Variants in ZNF831 observed in about 807,000 individuals in gnomAD.
The protein encoded by ZNF831 is chromosome 20 open reading frame 174.
Under a neutral mutation model 95.8 loss-of-function variants are expected in ZNF831, and 59 were observed. The ratio of observed to expected loss-of-function variants is 0.62; its 90% CI spans 0.50 to 0.77. The LOEUF (loss-of-function observed/expected upper bound fraction) is 0.77. Among genes scored for constraint, ZNF831 ranks in the 30% least tolerant of loss-of-function variants. The pLI, the probability that ZNF831 is intolerant of heterozygous loss-of-function variation, is 0.00. For missense variants in ZNF831, 2,205 were observed against 2,164.0 expected (o/e 1.02, Z -0.38); for synonymous variants, 961 against 925.5 (o/e 1.04, Z -0.70).
chr20:59,237,875 C>A (rs1987089797), intron 4 of ZNF831, among the ~76,000 whole-genome samples: 1 of 152,214 alleles, frequency 6.6e-6, no homozygotes, highest in African/African-American at 2.4e-5. Flanking sequence ...TTCGTCTAAG[C>A]TCGGCCAGCC....
At chr20:59,125,482 A>G (rs907236906) in intron 1 of ZNF831, among the ~76,000 whole-genome samples, 13 of 152,034 alleles carry the variant, frequency 8.6e-5, no homozygotes, top group African/African-American at 2.4e-4. Context: ...TTCCTTAGTG[A>G]GATCCCCAGG....
chr20:59,201,387 C>T (rs577506196), intron 3 of ZNF831, among the ~76,000 whole-genome samples: 22 of 152,152 alleles, frequency 1.4e-4, no homozygotes, highest in South Asian at 2.1e-4. Context: ...AGTTCCTTAT[C>T]GGAGATGTGA....
chr20:59,198,843 A>C (rs1408008829), intron 3 of ZNF831, among the ~76,000 whole-genome samples: 1 of 152,152 alleles, frequency 6.6e-6, no homozygotes, highest in African/African-American at 2.4e-5. Flanking sequence ...TGCACCTGCT[A>C]GTCCCTCTAC....
chr20:59,227,006 G>A (rs1210058335), intron 4 of ZNF831, among the ~76,000 whole-genome samples: 1 of 152,072 alleles, frequency 6.6e-6, no homozygotes, highest in Non-Finnish European at 1.5e-5. Context: ...AAATAAACAT[G>A]TTCTCTTTTA....
At chr20:59,251,949 A>G (rs992693611) in intron 4 of ZNF831, among the ~76,000 whole-genome samples, 1 of 152,202 alleles carries the variant, frequency 6.6e-6, no homozygotes, top group African/African-American at 2.4e-5. Context: ...AAAACAGGCC[A>G]TAGGGGTTAG....
chr20:59,172,508 G>T (rs1160544726), intron 1 of ZNF831, among the ~76,000 whole-genome samples: 1 of 152,140 alleles, frequency 6.6e-6, no homozygotes, highest in African/African-American at 2.4e-5. Context: ...CCTGAAGAGG[G>T]GCCTTCTGGG....
At chr20:59,242,763 C>T (rs981719999) in intron 4 of ZNF831, among the ~76,000 whole-genome samples, 3 of 152,158 alleles carry the variant, frequency 2.0e-5, no homozygotes, top group East Asian at 1.9e-4. Flanking sequence ...TCTGCTCTTT[C>T]GATGAGTCCT....
chr20:59,192,587 G>A lies in ZNF831; in HGVS notation c.1568G>A (p.Arg523Gln), dbSNP rs766888390. The change falls in exon 2 of 6, where the codon CGG becomes CAG. Residue 523 changes from arginine to glutamine, a missense_variant. Transcript: ENST00000371030. This position sits in a 1 kb window ranked among gnomAD's most constrained non-coding sequence, Gnocchi z 5.2. Reference protein sequence around the residue: ...SRTWLEPREPRDPWSRTQKPL... With the variant: ...SRTWLEPREPQDPWSRTQKPL... ...ACGTGGCTGGAGCCCAGGGAGCCCC[G>A]GGACCCCTGGTCCAGGACGCAGAAG... 3.5e-5 allele frequency: 53 copies of A among 1,511,868 alleles called. 1 individual carries two copies. The highest frequency in any genetic ancestry group is 2.8e-4 in the South Asian group (21 of 74,618). The allele number at this position is 1,511,868 out of a possible 1,614,324, so 93.7% of individuals were successfully genotyped here.
intron 1 of ZNF831, among the ~76,000 whole-genome samples, chr20:59,173,970 C>A (rs1329906312): frequency 6.6e-6 from 1 of 152,154 alleles, no homozygotes; most frequent in Non-Finnish European, 1.5e-5. Flanking sequence ...GTGATTTTAG[C>A]CACCAGAAAG....
chr20:59,179,679 C>G (rs1027531325), intron 1 of ZNF831, among the ~76,000 whole-genome samples: 2 of 152,124 alleles, frequency 1.3e-5, no homozygotes, highest in African/African-American at 4.8e-5. Flanking sequence ...TGGCCTACCC[C>G]CTGGGTCCCT....
chr20:59,184,875 G>A (rs1982887747), intron 1 of ZNF831, among the ~76,000 whole-genome samples: 1 of 152,092 alleles, frequency 6.6e-6, no homozygotes, highest in Non-Finnish European at 1.5e-5. Context: ...CCACCTCTTT[G>A]TTCCCCTCTC....
At chr20:59,141,630 G>A (rs944894982) in intron 1 of ZNF831, among the ~76,000 whole-genome samples, 10 of 152,176 alleles carry the variant, frequency 6.6e-5, no homozygotes, top group Admixed American at 6.5e-4. Context: ...CATAGAGTGA[G>A]TCTTAAAATC....
rs951289406 is a variant in ZNF831, at chr20:59,150,669, G to A, written c.-1281+4295G>A. Among the ~76,000 whole-genome samples, 16 of 152,274 alleles carry A rather than the reference G, an allele frequency of 1.1e-4. 1 individual carries two copies. The highest frequency in any genetic ancestry group is 8.3e-4 in the South Asian group (4 of 4,828). On this transcript the variant is annotated intron_variant, in intron 2 of 7. Coordinates refer to the ZNF831 transcript ENST00000637017. ...CCTGACCTTCTGAGAATAACAAACA[G>A]CCCACTATGCTGTGGCCAGTACTCC... is the stretch of plus-strand genomic sequence containing the variant.
At chr20:59,136,283 T>C (rs1979506468) in intron 1 of ZNF831, among the ~76,000 whole-genome samples, 1 of 152,210 alleles carries the variant, frequency 6.6e-6, no homozygotes, top group Admixed American at 6.5e-5. Flanking sequence ...CTTCTGCTTT[T>C]AAGGGTTCAT....
intron 2 of ZNF831, among the ~76,000 whole-genome samples, chr20:59,151,817 G>A (rs1601302075): frequency 1.3e-5 from 2 of 152,222 alleles, no homozygotes. Context: ...CTCCACGAGG[G>A]AACGCTGAAC....
rs757757308 is a variant in ZNF831 at position 59,254,005 on chromosome 20, C to G, written c.4296C>G (p.Asp1432Glu). The G allele has an allele frequency of 6.2e-7, 1 of 1,614,018 alleles. No homozygotes were observed. Among genetic ancestry groups the G allele is most frequent in the Non-Finnish European group, 8.5e-7 (1 of 1,180,024 alleles). The change falls in exon 6 of 6, where the codon GAC becomes GAG. Residue 1432 changes from aspartate (D) to glutamate (E), a missense_variant. Transcript: ENST00000371030. This position sits in a 1 kb window ranked among gnomAD's most constrained non-coding sequence, Gnocchi z 4.5. The part of the protein sequence containing the change: ...QSDTCLAVVN[D>E]VPLPPGKGLD... ...ACACCTGCCTGGCAGTGGTTAATGACGTGCCTCTACCCCCTGGCAAAGGTC... is the reference window on the plus strand; with the variant it reads ...ACACCTGCCTGGCAGTGGTTAATGAGGTGCCTCTACCCCCTGGCAAAGGTC...
chr20:59,240,689 C>G (rs936738347), intron 4 of ZNF831, among the ~76,000 whole-genome samples: 3 of 152,068 alleles, frequency 2.0e-5, no homozygotes, highest in African/African-American at 7.2e-5. Flanking sequence ...GTAGTCCCAG[C>G]TACTCCGGAG....
intron 4 of ZNF831, among the ~76,000 whole-genome samples, chr20:59,249,075 C>T (rs923860306): frequency 6.6e-6 from 1 of 152,226 alleles, no homozygotes; most frequent in Non-Finnish European, 1.5e-5. Context: ...GTCTCTTGCT[C>T]CCGCAAGCTG....
chr20:59,201,496 A>C (rs1249891185), intron 3 of ZNF831, among the ~76,000 whole-genome samples: 1 of 152,058 alleles, frequency 6.6e-6, no homozygotes, highest in East Asian at 1.9e-4. Context: ...TATTTAATTT[A>C]CCTTTTTTTG....
Sources: allele counts gnomAD v4.1 joint callset (sites outside exome capture counted in the v4.1 genomes callset), GRCh38; gene constraint gnomAD v4.1.1; non-coding constraint Gnocchi (gnomAD v3.1); transcripts MANE v1.5; gene names NCBI Gene and HGNC (gene_info 2026-07-23, HGNC 2026-07-21).